BAIAP2: variants seen among roughly 807,000 people sequenced by gnomAD.
BAIAP2 encodes the protein BAR/IMD domain-containing adapter protein 2.
BAIAP2 carries 18 observed loss-of-function variants against 63.0 expected under a neutral mutation model. The observed-to-expected ratio is 0.29, with a 90% confidence interval of 0.20 to 0.42. The LOEUF is 0.42. BAIAP2 is among the 10% of genes least tolerant of loss of function. BAIAP2 has a pLI of 1.00. For synonymous variants in BAIAP2, 386 were observed against 307.6 expected (o/e 1.25, Z -2.67); for missense variants, 610 against 734.3 (o/e 0.83, Z 1.96).
intron 1 of BAIAP2, among the ~76,000 whole-genome samples, chr17:81,050,704 G>C (rs2048527540): frequency 9.8e-6 from 1 of 102,028 alleles, no homozygotes; most frequent in Admixed American, 9.4e-5. Flanking sequence ...TGATGCTGCA[G>C]CTCAGCACAC....
chr17:81,106,341 G>A (rs2059178225), intron 11 of BAIAP2, among the ~76,000 whole-genome samples, 195 bp downstream of exon 11: 1 of 152,182 alleles, frequency 6.6e-6, no homozygotes, highest in Non-Finnish European at 1.5e-5. Flanking sequence ...CCTGTGCAGT[G>A]GGGCCCGAGA....
At chr17:81,057,997 A>T in intron 3 of BAIAP2, 30 bp downstream of exon 3, 1 of 1,180,402 alleles carries the variant, frequency 8.5e-7, no homozygotes, top group East Asian at 3.5e-5. Flanking sequence ...CCCGCCTGGT[A>T]GTCGCCTGAT....
At chr17:81,068,072 T>G (rs1023410514) in intron 3 of BAIAP2, among the ~76,000 whole-genome samples, 1 of 152,194 alleles carries the variant, frequency 6.6e-6, no homozygotes. Context: ...TCTGGGGTCC[T>G]GGGGGACGTG....
Position 81,100,087 on chromosome 17 carries a change from C to T in BAIAP2, c.642+7C>T, listed in dbSNP as rs375552028. ...CGCGGCCTACCACTCCAAGGTGAGG[C>T]GGCTGGGGGCTGCGCTGTGCCGGCG... is the stretch of plus-strand genomic sequence containing the variant. On this transcript the variant is annotated splice_region_variant and intron_variant, in intron 7 of 13. Transcript: ENST00000428708. 44 of 1,606,970 alleles carry T rather than the reference C, an allele frequency of 2.7e-5. No homozygotes were observed. The African/African-American group carries it at 3.5e-4, about 13-fold the overall frequency.
intron 6 of BAIAP2, among the ~76,000 whole-genome samples, chr17:81,095,799 T>G (rs1315738394): frequency 3.9e-5 from 6 of 152,098 alleles, no homozygotes; most frequent in African/African-American, 1.4e-4. Context: ...TGTGTGCCAC[T>G]CCCAGCCATT....
intron 7 of BAIAP2, among the ~76,000 whole-genome samples, chr17:81,103,218 C>T (rs1160879168): frequency 1.3e-5 from 2 of 152,236 alleles, no homozygotes; most frequent in Non-Finnish European, 2.9e-5. Flanking sequence ...TTCCTCCTTC[C>T]TCCAGGCCCT....
chr17:81,039,912 G>A (rs999980249), intron 1 of BAIAP2, among the ~76,000 whole-genome samples: 1 of 152,186 alleles, frequency 6.6e-6, no homozygotes. Context: ...GCTGAAGCCC[G>A]GTTCACCCTT....
chr17:81,072,249 G>A (rs1342655496), intron 3 of BAIAP2, among the ~76,000 whole-genome samples: 2 of 152,186 alleles, frequency 1.3e-5, no homozygotes, highest in Non-Finnish European at 2.9e-5. Context: ...GGAGACCTGC[G>A]CAGGCCCCAC....
At chr17:81,070,563 T>C (rs1172197926) in intron 3 of BAIAP2, among the ~76,000 whole-genome samples, 1 of 152,154 alleles carries the variant, frequency 6.6e-6, no homozygotes, top group Non-Finnish European at 1.5e-5. Flanking sequence ...GGGTTCCTAG[T>C]GGACGCGGGG....
intron 3 of BAIAP2, among the ~76,000 whole-genome samples, chr17:81,060,625 A>G (rs1410477939): frequency 1.3e-5 from 2 of 152,090 alleles, no homozygotes; most frequent in African/African-American, 4.8e-5. Context: ...GCCTGTTTTC[A>G]TCTCTCCTGG....
At position 81,058,358 on chromosome 17, in the gene BAIAP2, C is replaced by A. The variant is rs567548155; in HGVS notation, c.217+391C>A. Reference sequence around the variant, plus strand: ...GTGTGGTGTGGCCCTGAGGAAGACACCCCAGCAGCGTGAGTGGGTGGATTT... The same window carrying A: ...GTGTGGTGTGGCCCTGAGGAAGACAACCCAGCAGCGTGAGTGGGTGGATTT... On this transcript the variant is annotated intron_variant, in intron 3 of 13. Coordinates refer to ENST00000428708, the MANE Select transcript of BAIAP2 (RefSeq NM_001144888.2). Among the ~76,000 whole-genome samples, 104 of 152,304 alleles carry A rather than the reference C, an allele frequency of 6.8e-4. 3 individuals are homozygous for A. The South Asian group carries it at 0.021, about 31-fold the overall frequency.
chr17:81,100,699 C>T (rs1238917109), intron 7 of BAIAP2, among the ~76,000 whole-genome samples: 1 of 152,182 alleles, frequency 6.6e-6, no homozygotes, highest in East Asian at 1.9e-4. Context: ...GTGGACCTGC[C>T]ACCCCTCACC....
intron 11 of BAIAP2, 24 bp from the exon 12 acceptor site, chr17:81,106,721 G>A (rs368459467): frequency 7.6e-5 from 122 of 1,611,998 alleles, no homozygotes; most frequent in Non-Finnish European, 9.6e-5. Flanking sequence ...CTGCTGGGCC[G>A]CCTCTGAGTC....
chr17:81,036,032 C>G (rs1052734301), intron 1 of BAIAP2: 4 of 152,252 alleles, frequency 2.6e-5, no homozygotes, highest in African/African-American at 9.6e-5. Context: ...AGAGTGGCAT[C>G]CACGTTCTCG....
chr17:81,109,226 C>G, intron 13 of BAIAP2: 1 of 1,376,594 alleles, frequency 7.3e-7, no homozygotes, highest in South Asian at 1.8e-5. Context: ...CCTGTGTGTC[C>G]CAGCCTTTTG....
chr17:81,043,882 G>A (rs749514026), intron 1 of BAIAP2, among the ~76,000 whole-genome samples: 46 of 152,368 alleles, frequency 3.0e-4, no homozygotes, highest in Non-Finnish European at 5.7e-4. Context: ...AGGCGTTCTC[G>A]CCGCGGGGTC....
intron 3 of BAIAP2, among the ~76,000 whole-genome samples, chr17:81,073,398 G>A (rs962471923): frequency 1.4e-4 from 22 of 152,270 alleles, no homozygotes; most frequent in African/African-American, 3.4e-4. Flanking sequence ...AGCCAGGGCC[G>A]CCAGCCTTCT....
intron 1 of BAIAP2, among the ~76,000 whole-genome samples, chr17:81,043,357 A>G (rs1258291123): frequency 1.3e-5 from 2 of 152,208 alleles, no homozygotes; most frequent in South Asian, 2.1e-4. Flanking sequence ...CAGTCCAGGC[A>G]TGGATGGAGC....
rs10652019 is a variant in BAIAP2 at position 81,116,462 on chromosome 17, G to GGCCCCA, written c.*628_*633dup. On this transcript the variant is annotated 3_prime_UTR_variant, in exon 14 of 14. Transcript: ENST00000428708. ...CCCCAGGCCCCTCCTGCCTCGGGCAGGCCCCAGCCCTCCTCCTTACCCAAC... is the reference window on the plus strand; with the variant it reads ...CCCCAGGCCCCTCCTGCCTCGGGCAGGCCCCAGCCCCAGCCCTCCTCCTTACCCAAC... 0.16 allele frequency: 148,229 copies of GGCCCCA among 929,062 alleles called. 14,899 individuals carry two copies. Among genetic ancestry groups the GGCCCCA allele is most frequent in the African/African-American group, 0.18 (11,058 of 60,080 alleles). The allele number at this position is 929,062 out of a possible 1,614,324, so 57.6% of individuals were successfully genotyped here.
Sources: gnomAD v4.1 joint callset for allele counts (sites outside exome capture counted in the v4.1 genomes callset) on GRCh38, gnomAD v4.1.1 for gene constraint, MANE v1.5 for transcripts, NCBI Gene and HGNC (gene_info 2026-07-23, HGNC 2026-07-21) for gene names.